The following UTRN variants were observed in gnomAD, a reference collection of about 807,000 sequenced individuals.
UTRN encodes dystrophin-related protein 1.
Under a neutral mutation model 463.9 loss-of-function variants are expected in UTRN, and 283 were observed. The observed-to-expected ratio is 0.61, with a 90% confidence interval of 0.55 to 0.67. The LOEUF (loss-of-function observed/expected upper bound fraction) is 0.67, where lower values mean the gene tolerates loss of function less well. UTRN is among the 30% of genes least tolerant of loss of function. The probability of loss-of-function intolerance (pLI) is 0.00; values close to 1 mark genes in which losing one functional copy is unlikely to be tolerated. For synonymous variants in UTRN, 1,442 were observed against 1,431.5 expected (o/e 1.01, Z -0.17); for missense variants, 3,922 against 4,084.3 (o/e 0.96, Z 1.08).
chr6:144,614,917 C>G (rs751797115), intron 51 of UTRN, among the ~76,000 whole-genome samples: 1 of 152,052 alleles, frequency 6.6e-6, no homozygotes, highest in Non-Finnish European at 1.5e-5. Flanking sequence ...GTGTAGCTTT[C>G]AATATATGAA....
intron 58 of UTRN, among the ~76,000 whole-genome samples, chr6:144,760,315 G>A (rs1792511742): frequency 6.6e-6 from 1 of 151,970 alleles, no homozygotes; most frequent in South Asian, 2.1e-4. Flanking sequence ...TACCAGCACT[G>A]GAAAATAGAT....
intron 51 of UTRN, among the ~76,000 whole-genome samples, chr6:144,639,681 A>ATTGCTTCTTATTG (rs1373179097): frequency 6.9e-6 from 1 of 145,884 alleles, no homozygotes; most frequent in Non-Finnish European, 1.5e-5. Context: ...ATTGCTTCTT[A>ATTGCTTCTTATTG]CTTTTTTTTT....
chr6:144,650,874 A>G (rs1297557737), intron 51 of UTRN, among the ~76,000 whole-genome samples: 1 of 152,104 alleles, frequency 6.6e-6, no homozygotes, highest in African/African-American at 2.4e-5. Flanking sequence ...GCGCTACTGC[A>G]CTCCAGCCTG....
In UTRN at chr6:144,698,571, C is replaced by A. The variant is rs552057682; in HGVS notation, c.7653-1516C>A. On this transcript the variant is annotated intron_variant, in intron 52 of 74. Transcript: ENST00000367545. ...AAGTTAAGGCATAAGCCCGCATTCA[C>A]AGTCTGCCCTCTGGGATGATGCAGG... Among the ~76,000 whole-genome samples, 76 of 152,346 alleles carry A rather than the reference C, an allele frequency of 5.0e-4. 1 individual carries two copies. Among genetic ancestry groups the A allele is most frequent in the Middle Eastern group, 6.8e-3 (2 of 294 alleles).
At chr6:144,363,189 G>A (rs1292856664) in intron 2 of UTRN, among the ~76,000 whole-genome samples, 1 of 152,098 alleles carries the variant, frequency 6.6e-6, no homozygotes, top group Non-Finnish European at 1.5e-5. Context: ...GTATCTTACA[G>A]AACTGTATTA....
At chr6:144,386,796 CTCT>C (rs1386716124) in intron 2 of UTRN, among the ~76,000 whole-genome samples, 1 of 151,890 alleles carries the variant, frequency 6.6e-6, no homozygotes, top group African/African-American at 2.4e-5. Context: ...ATTAAAATGA[CTCT>C]TCTTCCTTTT....
At chr6:144,730,274 T>C (rs1206376219) in intron 53 of UTRN, 83 bp from the exon 54 acceptor site, 1 of 1,349,290 alleles carries the variant, frequency 7.4e-7, no homozygotes, top group African/African-American at 1.5e-5. Flanking sequence ...CTAAGTGTGG[T>C]CAGAAGTGGT....
rs139057057 is a variant in UTRN at position 144,413,986 on chromosome 6, T to C, written c.142-7892T>C. On this transcript the variant is annotated intron_variant, in intron 3 of 74. Coordinates refer to ENST00000367545, the MANE Select transcript of UTRN (RefSeq NM_007124.3). The stretch of plus-strand genomic sequence containing the variant: ...GACTGGCTAATTTTTGTATTTTTAG[T>C]AGAGACGGGATTTCACCATATTGGC... 2.4e-3 allele frequency among the ~76,000 whole-genome samples: 362 copies of C among 152,168 alleles called. 1 individual carries two copies. Among genetic ancestry groups the C allele is most frequent in the Non-Finnish European group, 3.8e-3 (259 of 68,006 alleles).
chr6:144,697,746 A>T (rs941623973), intron 52 of UTRN, among the ~76,000 whole-genome samples: 1 of 152,162 alleles, frequency 6.6e-6, no homozygotes, highest in Non-Finnish European at 1.5e-5. Context: ...TCATCCTCAT[A>T]ATTAATAGAT....
At chr6:144,391,388 A>C (rs59599299) in intron 2 of UTRN, among the ~76,000 whole-genome samples, 32,658 of 152,082 alleles carry the variant, frequency 0.21, 5,878 homozygotes, top group African/African-American at 0.49. Flanking sequence ...TTATTATGTC[A>C]GTTTATTTGA....
chr6:144,821,261 C>T (rs995002389), intron 66 of UTRN, among the ~76,000 whole-genome samples: 3 of 152,112 alleles, frequency 2.0e-5, no homozygotes, highest in African/African-American at 4.8e-5. Flanking sequence ...AATATGTCAA[C>T]CTTAATACAC....
intron 25 of UTRN, among the ~76,000 whole-genome samples, chr6:144,478,750 AT>A (rs1791515330): frequency 6.6e-6 from 1 of 152,178 alleles, no homozygotes. Flanking sequence ...GTGGCGTTTA[AT>A]TTGAGCATGA....
Position 144,473,815 on chromosome 6 carries a change from G to A in UTRN, c.3162G>A (p.Arg1054=). The change falls in exon 24 of 75, where the codon AGG becomes AGA. Residue 1054 remains arginine (R), a synonymous_variant. Coordinates refer to ENST00000367545, the MANE Select transcript of UTRN (RefSeq NM_007124.3). ...AAGGAGACGACGCAGGTCTACAGAG[G>A]CAGTTAGACCAGTGCTCTGTGAGTT... is the stretch of plus-strand genomic sequence containing the variant. ...AAQGDDAGLQ[R]QLDQCSAFVN... The A allele has an allele frequency of 6.2e-7, 1 of 1,613,686 alleles. No individual in the cohort carries two copies. Among genetic ancestry groups the A allele is most frequent in the Non-Finnish European group, 8.5e-7 (1 of 1,179,640 alleles).
At chr6:144,488,421 G>C (rs955140679) in intron 29 of UTRN, among the ~76,000 whole-genome samples, 2 of 151,958 alleles carry the variant, frequency 1.3e-5, no homozygotes, top group Non-Finnish European at 1.5e-5. Flanking sequence ...TGCATCTTAT[G>C]GGAAACCTTT....
chr6:144,403,395 T>C (rs1338217365), intron 3 of UTRN, among the ~76,000 whole-genome samples: 2 of 152,200 alleles, frequency 1.3e-5, no homozygotes, highest in Non-Finnish European at 2.9e-5. Context: ...TATTGACTTT[T>C]ACCTGGCCTT....
chr6:144,516,815 A>T lies in UTRN; in HGVS notation c.5408A>T (p.Asp1803Val). 2.0e-6 allele frequency: 3 copies of T among 1,472,972 alleles called. No individual in the cohort carries two copies. Among genetic ancestry groups the T allele is most frequent in the South Asian group, 3.0e-5 (2 of 65,748 alleles). The allele number at this position is 1,472,972 out of a possible 1,614,324, so 91.2% of individuals were successfully genotyped here. The change falls in exon 39 of 75, where the codon GAT (aspartate) becomes GTT (valine). Residue 1803 changes from aspartate (D) to valine (V), a missense_variant. Coordinates refer to ENST00000367545, the MANE Select transcript of UTRN (RefSeq NM_007124.3). Reference sequence around the variant, plus strand: ...TTTTTCCTTTTAAAAATTTAGATGGATGAGGAGAGTGCCCAGATTGAGGAA... The same window carrying T: ...TTTTTCCTTTTAAAAATTTAGATGGTTGAGGAGAGTGCCCAGATTGAGGAA... ...LESSDEDEKM[D>V]EESAQIEEVL...
chr6:144,525,385 G>A (rs1252268819), intron 41 of UTRN, among the ~76,000 whole-genome samples: 2 of 151,954 alleles, frequency 1.3e-5, no homozygotes, highest in Non-Finnish European at 2.9e-5. Flanking sequence ...TCTGTTTAGA[G>A]TTTCTATTTC....
Position 144,771,981 on chromosome 6 carries a change from A to G in UTRN, c.8557+13A>G, listed in dbSNP as rs374617394. On this transcript the variant is annotated intron_variant, in intron 59 of 74. Transcript: ENST00000367545. ...TTTCAATCCCTTGGTAAGTGTTATT[A>G]ATAGTAATAAATTAACCTAAACAAC... The G allele has an allele frequency of 5.4e-5, 68 of 1,270,130 alleles. No individual in the cohort carries two copies. The highest frequency in any genetic ancestry group is 6.7e-5 in the Non-Finnish European group (63 of 935,202). 78.7% of individuals were successfully genotyped at this position (1,270,130 alleles called of 1,614,324 possible).
chr6:144,742,136 AT>A (rs1285171343), intron 54 of UTRN, among the ~76,000 whole-genome samples: 2 of 152,196 alleles, frequency 1.3e-5, no homozygotes, highest in African/African-American at 4.8e-5. Flanking sequence ...GCATGGATGA[AT>A]CTATGCCATC....
Sources: gnomAD v4.1 joint callset for allele counts (sites outside exome capture counted in the v4.1 genomes callset) on GRCh38, gnomAD v4.1.1 for gene constraint, MANE v1.5 for transcripts, NCBI Gene and HGNC (gene_info 2026-07-23, HGNC 2026-07-21) for gene names.